SGMS1: variants seen among roughly 807,000 people sequenced by gnomAD.
The protein encoded by SGMS1 is sphingomyelin synthase 1, also known as phosphatidylcholine:ceramide cholinephosphotransferase 1.
A neutral mutation model predicts 46.2 loss-of-function variants in SGMS1; 13 were observed. That is an observed-to-expected ratio of 0.28 (90% confidence interval 0.18 to 0.45). The LOEUF is 0.45. SGMS1 is among the 20% of genes least tolerant of loss of function. The pLI, the probability that SGMS1 is intolerant of heterozygous loss-of-function variation, is 1.00. For missense variants in SGMS1, 324 were observed against 519.9 expected, an observed-to-expected ratio of 0.62 and a Z score of 3.66; for synonymous variants, 203 against 187.8, an observed-to-expected ratio of 1.08 and a Z score of -0.66.
chr10:50,519,352 C>A (rs1588862127), intron 3 of SGMS1, among the ~76,000 whole-genome samples: 1 of 152,176 alleles, frequency 6.6e-6, no homozygotes, highest in Non-Finnish European at 1.5e-5. Context: ...ACTGGACTTA[C>A]CTGTTCAACT....
intron 2 of SGMS1, among the ~76,000 whole-genome samples, chr10:50,524,330 G>C (rs1837881142): frequency 6.6e-6 from 1 of 152,000 alleles, no homozygotes; most frequent in Non-Finnish European, 1.5e-5. Context: ...TGAGCCTCTG[G>C]GCTTGATAAA....
chr10:50,307,936 C>T lies in SGMS1; in HGVS notation c.1062+46G>A. 1 of 1,608,602 alleles carries T rather than the reference C, an allele frequency of 6.2e-7. No individual in the cohort carries two copies. Among genetic ancestry groups the T allele is most frequent in the South Asian group, 1.1e-5 (1 of 90,490 alleles). ...TGCACCCTGTCCAAGCCAGCAACATCAAGCCAGAAACAACAGAAGCTAAAA... is the reference window on the plus strand; with the variant it reads ...TGCACCCTGTCCAAGCCAGCAACATTAAGCCAGAAACAACAGAAGCTAAAA... On this transcript the variant is annotated intron_variant, in intron 10 of 10. Transcript: ENST00000361781. This position sits in a 1 kb window ranked among gnomAD's most constrained non-coding sequence, Gnocchi z 4.2.
chr10:50,417,658 G>A (rs1162703623), intron 6 of SGMS1, among the ~76,000 whole-genome samples: 1 of 152,160 alleles, frequency 6.6e-6, no homozygotes, highest in Non-Finnish European at 1.5e-5. Context: ...GTTTCGTACA[G>A]GGACTGGAGT....
At chr10:50,538,827 G>A (rs771515629) in intron 2 of SGMS1, among the ~76,000 whole-genome samples, 9 of 152,214 alleles carry the variant, frequency 5.9e-5, no homozygotes, top group Non-Finnish European at 1.2e-4. Flanking sequence ...AAAGAGTAGA[G>A]CAAGTTTTGA....
At position 50,311,782 on chromosome 10, in the gene SGMS1, T is replaced by C. The variant is rs528117758; in HGVS notation, c.742-367A>G. 5.7e-4 allele frequency among the ~76,000 whole-genome samples: 87 copies of C among 152,294 alleles called. 3 individuals are homozygous for C. The South Asian group carries it at 0.017, about 30-fold the overall frequency. ...TTGGGAAAAATAAAATTTAAATCTG[T>C]AGTCTAGGAAAAATTTAAAGATGTA... On this transcript the variant is annotated intron_variant, in intron 8 of 10. Transcript: ENST00000361781.
intron 3 of SGMS1, among the ~76,000 whole-genome samples, chr10:50,512,377 A>G (rs1457297350): frequency 6.6e-6 from 1 of 152,178 alleles, no homozygotes; most frequent in Non-Finnish European, 1.5e-5. Flanking sequence ...CTTTGTTTAT[A>G]TGGACATTTG....
chr10:50,309,303 T>A (rs1367200484), intron 9 of SGMS1, among the ~76,000 whole-genome samples: 1 of 152,132 alleles, frequency 6.6e-6, no homozygotes, highest in Non-Finnish European at 1.5e-5. Context: ...TCTATTAGTA[T>A]CCATATATGC....
intron 2 of SGMS1, among the ~76,000 whole-genome samples, chr10:50,563,511 A>C (rs1396389765): frequency 6.6e-6 from 1 of 152,034 alleles, no homozygotes; most frequent in Non-Finnish European, 1.5e-5. Context: ...TGGGAGGCCG[A>C]GGCGGGCGGA....
chr10:50,382,460 C>G (rs997196821), intron 6 of SGMS1, among the ~76,000 whole-genome samples: 2 of 151,936 alleles, frequency 1.3e-5, no homozygotes, highest in Non-Finnish European at 2.9e-5. Context: ...TTCTCACAGG[C>G]AAATATTTCT....
chr10:50,407,842 T>C (rs528854984), intron 6 of SGMS1, among the ~76,000 whole-genome samples: 4 of 152,330 alleles, frequency 2.6e-5, no homozygotes, highest in African/African-American at 7.2e-5. Context: ...TTTTGATTTA[T>C]AGAGGACTTG....
At chr10:50,583,211 G>A (rs1838451008) in intron 2 of SGMS1, among the ~76,000 whole-genome samples, 1 of 152,148 alleles carries the variant, frequency 6.6e-6, no homozygotes, top group African/African-American at 2.4e-5. Context: ...CAGAATCCAT[G>A]TTTTTAATCA....
chr10:50,594,966 G>T (rs1838577009), intron 1 of SGMS1, among the ~76,000 whole-genome samples: 1 of 152,134 alleles, frequency 6.6e-6, no homozygotes, highest in African/African-American at 2.4e-5. Context: ...AAGGAATTCA[G>T]TTATGCAGTC....
chr10:50,568,798 T>C (rs961437253), intron 2 of SGMS1, among the ~76,000 whole-genome samples: 1 of 152,192 alleles, frequency 6.6e-6, no homozygotes, highest in African/African-American at 2.4e-5. Context: ...GTCATTTCTT[T>C]GTTGAAAAGA....
At chr10:50,554,539 G>C (rs1376751097) in intron 2 of SGMS1, among the ~76,000 whole-genome samples, 1 of 152,184 alleles carries the variant, frequency 6.6e-6, no homozygotes, top group African/African-American at 2.4e-5. Flanking sequence ...GTGCAAGTGG[G>C]AAGCGGCCTC....
chr10:50,373,116 CATCATAGGAAAT>C (rs1474434138), intron 6 of SGMS1, among the ~76,000 whole-genome samples: 1 of 152,116 alleles, frequency 6.6e-6, no homozygotes, highest in Non-Finnish European at 1.5e-5. Flanking sequence ...CTAAGGGTAT[CATCATAGGAAAT>C]ACAACCTAAA....
intron 6 of SGMS1, among the ~76,000 whole-genome samples, chr10:50,396,276 C>T (rs1352533900): frequency 6.6e-6 from 1 of 152,170 alleles, no homozygotes; most frequent in Admixed American, 6.5e-5. Flanking sequence ...TTACTTCCCA[C>T]GTGCAGCCCC....
intron 1 of SGMS1, among the ~76,000 whole-genome samples, chr10:50,598,662 C>G (rs1169269662): frequency 6.6e-6 from 1 of 152,052 alleles, no homozygotes; most frequent in Non-Finnish European, 1.5e-5. Context: ...CAGAAATAAA[C>G]AGAGGCTCTA....
intron 2 of SGMS1, among the ~76,000 whole-genome samples, chr10:50,546,808 G>A (rs371129848): frequency 1.3e-4 from 19 of 151,900 alleles, no homozygotes; most frequent in South Asian, 2.1e-4. Flanking sequence ...CCAACATGGC[G>A]CATGTATACA....
intron 2 of SGMS1, among the ~76,000 whole-genome samples, chr10:50,555,940 T>C (rs927842944): frequency 5.3e-5 from 8 of 152,230 alleles, no homozygotes; most frequent in Non-Finnish European, 1.0e-4. Context: ...TTCTTTATCT[T>C]AGCTCAACGG....
Sources: allele counts gnomAD v4.1 joint callset (sites outside exome capture counted in the v4.1 genomes callset), GRCh38; gene constraint gnomAD v4.1.1; non-coding constraint Gnocchi (gnomAD v3.1); transcripts MANE v1.5; gene names NCBI Gene and HGNC (gene_info 2026-07-23, HGNC 2026-07-21).